Variants in OMA1 observed in about 807,000 individuals in gnomAD.
OMA1 encodes metalloendopeptidase OMA1, mitochondrial.
In OMA1, 38 loss-of-function variants were observed where a neutral mutation model predicts 30.9. The ratio of observed to expected loss-of-function variants is 1.23; its 90% CI spans 0.95 to 1.61. The LOEUF is 1.61. OMA1 is among the 40% of genes most tolerant of loss of function. OMA1 has a pLI of 0.00. For missense variants in OMA1, 461 were observed against 349.2 expected (o/e 1.32, Z -2.55); for synonymous variants, 173 against 121.9 (o/e 1.42, Z -2.76).
At chr1:58,502,632 G>A (rs1288151627) in intron 8 of OMA1, among the ~76,000 whole-genome samples, 1 of 152,160 alleles carries the variant, frequency 6.6e-6, no homozygotes, top group Non-Finnish European at 1.5e-5. Flanking sequence ...TGTAGTAGTA[G>A]TATACAGACT....
At chr1:58,543,638 T>A (rs1646656028) in intron 1 of OMA1, among the ~76,000 whole-genome samples, 1 of 152,166 alleles carries the variant, frequency 6.6e-6, no homozygotes, top group South Asian at 2.1e-4. Context: ...ACAATTAACA[T>A]ACAGTCCTAC....
chr1:58,536,686 C>A lies in OMA1; in HGVS notation c.556G>T (p.Glu186Ter). ...TTCCATTTATTCTTCCTTATATTTT[C>A]TTTAACTACTTCCTTCTTGTTAGGA... is the stretch of plus-strand genomic sequence containing the variant. ...LPPNKKEVVK[E>*]NIRKNKWKLF... The change falls in exon 3 of 9, where the codon GAA becomes TAA. Residue 186 changes from glutamate to a stop codon, truncating the protein, a stop_gained. Coordinates refer to ENST00000371226, the MANE Select transcript of OMA1 (RefSeq NM_145243.5). LOFTEE classifies it high-confidence loss of function. 1.1e-6 allele frequency: 1 copy of A among 872,796 alleles called. No homozygotes were observed. The highest frequency in any genetic ancestry group is 1.3e-5 in the South Asian group (1 of 76,540). 54.1% of individuals were successfully genotyped at this position (872,796 alleles called of 1,614,324 possible).
At chr1:58,490,088 C>A (rs184265143) in intron 8 of OMA1, among the ~76,000 whole-genome samples, 1 of 152,170 alleles carries the variant, frequency 6.6e-6, no homozygotes, top group Admixed American at 6.5e-5. Context: ...CAAAGCTGGA[C>A]GCAGAATGAC....
At chr1:58,490,966 C>T (rs566220721) in intron 8 of OMA1, among the ~76,000 whole-genome samples, 90 of 151,620 alleles carry the variant, frequency 5.9e-4, no homozygotes, top group Middle Eastern at 3.4e-3. Flanking sequence ...CTACCAAGCC[C>T]GGCTAAATTT....
intron 7 of OMA1, among the ~76,000 whole-genome samples, chr1:58,517,214 T>C (rs911486066): frequency 2.6e-5 from 4 of 152,224 alleles, no homozygotes; most frequent in African/African-American, 9.6e-5. Context: ...TCTGGACTAC[T>C]GAACCCAAAG....
chr1:58,505,196 C>G (rs368415308), intron 8 of OMA1, among the ~76,000 whole-genome samples: 1 of 152,308 alleles, frequency 6.6e-6, no homozygotes, highest in African/African-American at 2.4e-5. Context: ...AGGTGATCCA[C>G]CCACCTCAGC....
At chr1:58,493,559 T>C (rs1645738966) in intron 8 of OMA1, among the ~76,000 whole-genome samples, 2 of 151,376 alleles carry the variant, frequency 1.3e-5, no homozygotes, top group Admixed American at 1.3e-4. Flanking sequence ...GATAAGCAAC[T>C]TCAGCAAAGT....
At chr1:58,537,972 C>T (rs192719788) in intron 2 of OMA1, among the ~76,000 whole-genome samples, 7 of 152,226 alleles carry the variant, frequency 4.6e-5, no homozygotes, top group Admixed American at 6.5e-5. Context: ...CTGGGATGAG[C>T]GTATTACTTC....
At chr1:58,500,763 G>C (rs1460296485) in intron 8 of OMA1, among the ~76,000 whole-genome samples, 1 of 152,112 alleles carries the variant, frequency 6.6e-6, no homozygotes, top group Non-Finnish European at 1.5e-5. Context: ...ACCCAACAAA[G>C]AGGGGATGGT....
chr1:58,491,910 T>G (rs961481907), intron 8 of OMA1, among the ~76,000 whole-genome samples: 108 of 152,224 alleles, frequency 7.1e-4, no homozygotes, highest in African/African-American at 2.4e-3. Context: ...CTGCACCAAG[T>G]GGACCTAATA....
At chr1:58,482,091 T>C (rs1210158156) in intron 8 of OMA1, among the ~76,000 whole-genome samples, 2 of 152,222 alleles carry the variant, frequency 1.3e-5, no homozygotes, top group African/African-American at 2.4e-5. Context: ...GGCTCAGCTA[T>C]GACTAGTGCT....
chr1:58,517,231 C>A (rs1438380235), intron 7 of OMA1, among the ~76,000 whole-genome samples: 1 of 152,174 alleles, frequency 6.6e-6, no homozygotes, highest in African/African-American at 2.4e-5. Context: ...AAAGTCCTGA[C>A]CCCTATGCTA....
intron 8 of OMA1, among the ~76,000 whole-genome samples, chr1:58,490,324 C>T (rs927467952): frequency 3.3e-5 from 5 of 152,052 alleles, no homozygotes; most frequent in Non-Finnish European, 7.3e-5. Flanking sequence ...ATTCGATCAA[C>T]TGGAAGAAAA....
chr1:58,532,689 A>T (rs1221867296), intron 5 of OMA1, among the ~76,000 whole-genome samples: 1 of 152,064 alleles, frequency 6.6e-6, no homozygotes, highest in Non-Finnish European at 1.5e-5. Flanking sequence ...CACCATGCTC[A>T]GCTAATTTTT....
intron 8 of OMA1, among the ~76,000 whole-genome samples, chr1:58,492,435 T>TA (rs1469816441): frequency 4.0e-5 from 6 of 151,756 alleles, no homozygotes; most frequent in African/African-American, 1.5e-4. Flanking sequence ...CTGAAGGAAA[T>TA]AGAGACACAA....
At chr1:58,513,987 G>A (rs1569926908) in intron 7 of OMA1, among the ~76,000 whole-genome samples, 1 of 152,184 alleles carries the variant, frequency 6.6e-6, no homozygotes, top group East Asian at 1.9e-4. Flanking sequence ...AGATGCATCT[G>A]TAAAACTAAA....
chr1:58,489,156 C>T (rs1024462120), intron 8 of OMA1, among the ~76,000 whole-genome samples: 11 of 152,168 alleles, frequency 7.2e-5, no homozygotes, highest in East Asian at 1.9e-4. Flanking sequence ...TCGTGTCACC[C>T]GGGAAGTGCA....
chr1:58,503,371 T>A (rs1231318839), intron 8 of OMA1, among the ~76,000 whole-genome samples: 1 of 152,214 alleles, frequency 6.6e-6, no homozygotes, highest in African/African-American at 2.4e-5. Flanking sequence ...ATGCCTATAC[T>A]ACCCTTTTAA....
chr1:58,508,283 G>C (rs1307926559), intron 7 of OMA1, among the ~76,000 whole-genome samples: 2 of 152,116 alleles, frequency 1.3e-5, no homozygotes, highest in Admixed American at 6.6e-5. Flanking sequence ...TCCAAAATGA[G>C]TATTTTATTT....
Sources: allele counts gnomAD v4.1 joint callset (sites outside exome capture counted in the v4.1 genomes callset), GRCh38; gene constraint gnomAD v4.1.1; transcripts MANE v1.5; gene names NCBI Gene and HGNC (gene_info 2026-07-23, HGNC 2026-07-21).